The following TGFBR1 variants were observed in gnomAD, a reference collection of about 807,000 sequenced individuals.
TGFBR1 encodes the protein transforming growth factor beta receptor 1, also known as TGF-beta receptor type-1.
A neutral mutation model predicts 55.1 loss-of-function variants in TGFBR1; 20 were observed. The ratio of observed to expected loss-of-function variants is 0.36; its 90% confidence interval spans 0.26 to 0.53. TGFBR1 has a LOEUF of 0.53. Ranked by LOEUF, TGFBR1 falls within the 20% of genes least tolerant of loss-of-function variation. The pLI, the probability that TGFBR1 is intolerant of heterozygous loss-of-function variation, is 0.91. For synonymous variants in TGFBR1, 220 were observed against 214.8 expected, an observed-to-expected ratio of 1.02 and a Z score of -0.21; for missense variants, 385 against 617.6, an observed-to-expected ratio of 0.62 and a Z score of 3.99.
chr9:99,149,111 TA>T lies in TGFBR1; in HGVS notation c.1387-64del. 3.3e-6 allele frequency: 5 copies of T among 1,511,894 alleles called. No homozygotes were observed. In the South Asian group the frequency reaches 4.9e-5, roughly 15 times the overall value. 93.7% of individuals were successfully genotyped at this position (1,511,894 alleles called of 1,614,324 possible). A position where few individuals can be genotyped will look rare whatever the true frequency, so the allele number is the denominator to read the frequency against. On this transcript the variant is annotated intron_variant, in intron 8 of 8. Coordinates refer to ENST00000374994, the MANE Select transcript of TGFBR1 (RefSeq NM_004612.4). The stretch of plus-strand genomic sequence containing the variant: ...GTCATTTAAAAAGAAAATTTACACG[TA>T]AAAATTCTTATCCAGACCAATGGAA...
At chr9:99,112,358 C>T (rs770104531) in intron 1 of TGFBR1, among the ~76,000 whole-genome samples, 13 of 152,200 alleles carry the variant, frequency 8.5e-5, no homozygotes, top group Admixed American at 3.9e-4. Context: ...CAAGTCTTTG[C>T]TCAGATGACA....
chr9:99,106,266 A>G (rs10988704), intron 1 of TGFBR1, among the ~76,000 whole-genome samples: 1,726 of 152,328 alleles, frequency 0.011, 13 homozygotes, highest in Non-Finnish European at 0.016. Flanking sequence ...TTTTCAAAAT[A>G]GTAAATCAGG....
chr9:99,142,799 C>T, intron 5 of TGFBR1, 96 bp downstream of exon 5: 1 of 1,412,906 alleles, frequency 7.1e-7, no homozygotes, highest in Non-Finnish European at 9.9e-7. Flanking sequence ...TGGCTCATGC[C>T]TATAATCCCA....
intron 1 of TGFBR1, among the ~76,000 whole-genome samples, chr9:99,105,719 T>G (rs1222204393): frequency 6.6e-6 from 1 of 152,076 alleles, no homozygotes; most frequent in Non-Finnish European, 1.5e-5. Context: ...GTGACCTTGT[T>G]CTGGGGACCC....
rs757374917 is a variant in TGFBR1, at chr9:99,129,005, C to T, written c.248C>T (p.Pro83Leu). The stretch of plus-strand genomic sequence containing the variant: ...ATTGACTTAATTCCTCGAGATAGGC[C>T]GTTTGTATGTGCACCCTCTTCAAAA... The part of the protein sequence containing the change: ...AEIDLIPRDR[P>L]FVCAPSSKTG... The change falls in exon 2 of 9, where the codon CCG becomes CTG. Residue 83 changes from proline to leucine, a missense_variant. Transcript: ENST00000374994. The T allele has an allele frequency of 6.2e-7, 1 of 1,613,890 alleles. No homozygotes were observed. Among genetic ancestry groups the T allele is most frequent in the Non-Finnish European group, 8.5e-7 (1 of 1,179,952 alleles).
At chr9:99,123,567 A>G (rs1347568430) in intron 1 of TGFBR1, among the ~76,000 whole-genome samples, 1 of 152,194 alleles carries the variant, frequency 6.6e-6, no homozygotes, top group African/African-American at 2.4e-5. Context: ...GCTGGTGATA[A>G]TATAGTGAGG....
At chr9:99,140,019 A>T (rs1004300127) in intron 4 of TGFBR1, among the ~76,000 whole-genome samples, 1 of 152,276 alleles carries the variant, frequency 6.6e-6, no homozygotes, top group Non-Finnish European at 1.5e-5. Flanking sequence ...CTCAAAATAC[A>T]TACTAAGGAT....
rs2118568838 is a variant in TGFBR1, at chr9:99,128,993, C to T, written c.236C>T (p.Pro79Leu). 6.2e-7 allele frequency: 1 copy of T among 1,613,916 alleles called. No homozygotes were observed. Among genetic ancestry groups the T allele is most frequent in the Middle Eastern group, 1.7e-4 (1 of 6,060 alleles). The change falls in exon 2 of 9, where the codon CCT becomes CTT. Residue 79 changes from proline to leucine, a missense_variant. Physicochemically the swap from Pro to Leu is moderately conservative, Grantham distance 98. Transcript: ENST00000374994. ...SMCIAEIDLI[P>L]RDRPFVCAPS... ...TGTATAGCTGAAATTGACTTAATTC[C>T]TCGAGATAGGCCGTTTGTATGTGCA...
intron 7 of TGFBR1, among the ~76,000 whole-genome samples, chr9:99,146,819 C>T (rs943680785): frequency 9.9e-5 from 15 of 152,202 alleles, no homozygotes; most frequent in African/African-American, 3.6e-4. Context: ...GTATTCTCTT[C>T]CTGTTTCCAT....
intron 1 of TGFBR1, among the ~76,000 whole-genome samples, chr9:99,112,746 T>C (rs1314302867): frequency 6.6e-6 from 1 of 152,194 alleles, no homozygotes; most frequent in East Asian, 1.9e-4. Context: ...ATGAGTAATT[T>C]GGCACGAGGA....
Position 99,137,598 on chromosome 9 carries a change from T to A in TGFBR1, c.575-261T>A, listed in dbSNP as rs10988722. Among the ~76,000 whole-genome samples, 550 of 152,322 alleles carry A rather than the reference T, an allele frequency of 3.6e-3. 4 individuals are homozygous for A. The highest frequency in any genetic ancestry group is 0.012 in the African/African-American group (519 of 41,572). On this transcript the variant is annotated intron_variant, in intron 3 of 8. Coordinates refer to ENST00000374994, the MANE Select transcript of TGFBR1 (RefSeq NM_004612.4). ...CTGCCTAACCACCGTACTTAAGGGA[T>A]AGTCAAAATTCAACTTACTTTTACA...
chr9:99,110,091 G>C (rs1826519454), intron 1 of TGFBR1, among the ~76,000 whole-genome samples: 1 of 152,078 alleles, frequency 6.6e-6, no homozygotes, highest in Non-Finnish European at 1.5e-5. Flanking sequence ...GAAGAAAATT[G>C]GTTGGTAGAC....
At chr9:99,123,830 C>T (rs1826961288) in intron 1 of TGFBR1, among the ~76,000 whole-genome samples, 1 of 152,138 alleles carries the variant, frequency 6.6e-6, no homozygotes, top group African/African-American at 2.4e-5. Context: ...ATAAAAACCA[C>T]ATTGGCACAA....
chr9:99,128,824 A>G (rs750265075), intron 1 of TGFBR1, 31 bp from the exon 2 acceptor site: 24 of 1,612,572 alleles, frequency 1.5e-5, no homozygotes, highest in Non-Finnish European at 2.0e-5. Context: ...TAACCTTGAG[A>G]TTTTTTCTAA....
intron 1 of TGFBR1, among the ~76,000 whole-genome samples, chr9:99,111,145 CACTT>C (rs1826558344): frequency 6.6e-6 from 1 of 152,006 alleles, no homozygotes; most frequent in South Asian, 2.1e-4. Context: ...GATAGTTGAT[CACTT>C]ACTATTTGTA....
chr9:99,116,086 C>T (rs907950906), intron 1 of TGFBR1, among the ~76,000 whole-genome samples: 7 of 151,408 alleles, frequency 4.6e-5, no homozygotes, highest in African/African-American at 1.7e-4. Context: ...TGTTTTCTTC[C>T]CTCTTATTTC....
Position 99,105,174 on chromosome 9 carries a change from C to T in TGFBR1, c.-32C>T, listed in dbSNP as rs1414662892. ...GGGTGAGGCAGCGGCGCGGCCGGGCCGGGCCGGGCCACAGGCGGTGGCGGC... is the reference window on the plus strand; with the variant it reads ...GGGTGAGGCAGCGGCGCGGCCGGGCTGGGCCGGGCCACAGGCGGTGGCGGC... On this transcript the variant is annotated 5_prime_UTR_variant, in exon 1 of 9. Coordinates refer to ENST00000374994, the MANE Select transcript of TGFBR1 (RefSeq NM_004612.4). 3.7e-6 allele frequency: 4 copies of T among 1,086,462 alleles called. No individual in the cohort carries two copies. The highest frequency in any genetic ancestry group is 1.7e-5 in the African/African-American group (1 of 59,778). 67.3% of individuals were successfully genotyped at this position (1,086,462 alleles called of 1,614,324 possible).
At chr9:99,142,806 C>T (rs11466465) in intron 5 of TGFBR1, 103 bp downstream of exon 5, 170 of 1,355,136 alleles carry the variant, frequency 1.3e-4, no homozygotes, top group Non-Finnish European at 1.4e-4. Flanking sequence ...TGCCTATAAT[C>T]CCAGCACTTT....
chr9:99,135,868 T>TTTTTTTG (rs1827423829), intron 3 of TGFBR1, among the ~76,000 whole-genome samples: 1 of 151,234 alleles, frequency 6.6e-6, no homozygotes. Context: ...TTTTTTTTTT[T>TTTTTTTG]TTTGGAGACG....
Sources: allele counts gnomAD v4.1 joint callset (sites outside exome capture counted in the v4.1 genomes callset), GRCh38; gene constraint gnomAD v4.1.1; transcripts MANE v1.5; gene names NCBI Gene and HGNC (gene_info 2026-07-23, HGNC 2026-07-21).